The following CSNK1G3 variants were observed in gnomAD, a reference collection of about 807,000 sequenced individuals.
The protein encoded by CSNK1G3 is casein kinase I isoform gamma-3.
A neutral mutation model predicts 64.3 loss-of-function variants in CSNK1G3; 23 were observed. The ratio of observed to expected loss-of-function variants is 0.36; its 90% CI spans 0.26 to 0.51. The LOEUF is 0.51. Ranked by LOEUF, CSNK1G3 falls within the 20% of genes least tolerant of loss-of-function variation. The pLI is 0.96. For synonymous variants in CSNK1G3, 158 were observed against 162.2 expected (o/e 0.97, Z 0.20); for missense variants, 357 against 510.5 (o/e 0.70, Z 2.90).
At position 123,593,202 on chromosome 5, in the gene CSNK1G3, T is replaced by TACACACAC. The variant is rs1554081831; in HGVS notation, c.1086+1808_1086+1815dup. Among the ~76,000 whole-genome samples the TACACACAC allele has an allele frequency of 3.6e-3, 526 of 146,918 alleles. 1 individual carries two copies. Among genetic ancestry groups the TACACACAC allele is most frequent in the African/African-American group, 5.3e-3 (212 of 39,876 alleles). On this transcript the variant is annotated intron_variant, in intron 10 of 12. Transcript: ENST00000345990. ...TGTAGGGTGGGTGTGTGTGTATATA[T>TACACACAC]ACACACACACACACACACACACACA...
intron 4 of CSNK1G3, among the ~76,000 whole-genome samples, chr5:123,564,120 ACAT>A (rs1228827598): frequency 6.6e-6 from 1 of 152,092 alleles, no homozygotes; most frequent in Non-Finnish European, 1.5e-5. Context: ...ATATATACTT[ACAT>A]TGTTACTACT....
At chr5:123,591,238 TA>T in intron 9 of CSNK1G3, 80 bp from the exon 10 acceptor site, 1 of 784,088 alleles carries the variant, frequency 1.3e-6, no homozygotes, top group Non-Finnish European at 1.9e-6. Flanking sequence ...TTTTTTTCCT[TA>T]ATTCTTTTAA....
chr5:123,605,432 G>A, intron 12 of CSNK1G3, 70 bp downstream of exon 13: 2 of 1,542,316 alleles, frequency 1.3e-6, no homozygotes, highest in Non-Finnish European at 1.8e-6. Flanking sequence ...GCATCATTTT[G>A]TGTCTTTTGA....
intron 10 of CSNK1G3, among the ~76,000 whole-genome samples, chr5:123,599,710 C>G (rs1018978115): frequency 1.3e-5 from 2 of 152,010 alleles, no homozygotes. Flanking sequence ...TCTTTCTATT[C>G]ATAGTTTTCT....
At chr5:123,613,122 C>T (rs767685747) in intron 12 of CSNK1G3, among the ~76,000 whole-genome samples, 2 of 151,686 alleles carry the variant, frequency 1.3e-5, no homozygotes, top group Non-Finnish European at 2.9e-5. Flanking sequence ...GGGAAAATGC[C>T]ATACCTTCAT....
intron 6 of CSNK1G3, among the ~76,000 whole-genome samples, chr5:123,583,663 C>G (rs1561572476): frequency 6.6e-6 from 1 of 151,902 alleles, no homozygotes; most frequent in Non-Finnish European, 1.5e-5. Flanking sequence ...CGCGCCCGGC[C>G]CAGAAATCCA....
At chr5:123,544,490 T>G (rs1255540003) in intron 1 of CSNK1G3, among the ~76,000 whole-genome samples, 1 of 152,240 alleles carries the variant, frequency 6.6e-6, no homozygotes, top group Admixed American at 6.5e-5. Context: ...AATAAGTATT[T>G]GATATCAATC....
chr5:123,609,914 A>G (rs1208870869), intron 12 of CSNK1G3, among the ~76,000 whole-genome samples: 1 of 150,688 alleles, frequency 6.6e-6, no homozygotes, highest in East Asian at 2.0e-4. Flanking sequence ...GGCATGGCAT[A>G]TTTATGATGG....
At chr5:123,526,408 G>A (rs1219010620) in intron 1 of CSNK1G3, among the ~76,000 whole-genome samples, 1 of 151,900 alleles carries the variant, frequency 6.6e-6, no homozygotes, top group East Asian at 1.9e-4. Context: ...TTATTAGTGG[G>A]TGGCCAGACA....
intron 6 of CSNK1G3, among the ~76,000 whole-genome samples, chr5:123,577,728 T>A (rs1006881049): frequency 6.6e-5 from 10 of 151,936 alleles, no homozygotes; most frequent in Non-Finnish European, 1.5e-4. Flanking sequence ...GTTTTTTTTT[T>A]ATTGAAGTAA....
At chr5:123,522,502 CA>C (rs71644482) in intron 1 of CSNK1G3, among the ~76,000 whole-genome samples, 41 of 136,282 alleles carry the variant, frequency 3.0e-4, no homozygotes, top group Admixed American at 5.2e-4. Context: ...GATTCTGTCT[CA>C]AAAAAAAAAA....
intron 6 of CSNK1G3, among the ~76,000 whole-genome samples, chr5:123,583,422 G>A (rs1338289172): frequency 6.6e-6 from 1 of 151,576 alleles, no homozygotes; most frequent in East Asian, 1.9e-4. Flanking sequence ...GTGCAATGGC[G>A]CGATCTTGGC....
At chr5:123,613,469 TTATA>T (rs1748874916) in intron 12 of CSNK1G3, among the ~76,000 whole-genome samples, 1 of 151,898 alleles carries the variant, frequency 6.6e-6, no homozygotes, top group African/African-American at 2.4e-5. Flanking sequence ...GTGTGTACAT[TTATA>T]TATGTATGTG....
chr5:123,606,923 C>T (rs1426377986), intron 12 of CSNK1G3, among the ~76,000 whole-genome samples: 3 of 151,916 alleles, frequency 2.0e-5, no homozygotes, highest in Non-Finnish European at 2.9e-5. Flanking sequence ...GTGATTAATA[C>T]GATAAAAAAG....
chr5:123,516,442 T>G (rs1280350411), intron 1 of CSNK1G3, among the ~76,000 whole-genome samples: 2 of 152,182 alleles, frequency 1.3e-5, no homozygotes, highest in Non-Finnish European at 1.5e-5. Flanking sequence ...TTTCTTTTTT[T>G]TAAGCTCTCT....
chr5:123,553,004 C>A (rs1783985292), intron 2 of CSNK1G3, 103 bp from the exon 3 acceptor site: 5 of 587,930 alleles, frequency 8.5e-6, no homozygotes, highest in Admixed American at 6.7e-5. Flanking sequence ...AAAACCTATG[C>A]TTTAGTTAAA....
At chr5:123,557,366 T>A (rs911795921) in intron 3 of CSNK1G3, 129 bp from the exon 4 acceptor site, 50 of 641,346 alleles carry the variant, frequency 7.8e-5, no homozygotes, top group Middle Eastern at 3.8e-4. Context: ...ATGAATCTAA[T>A]CTTAGACAAA....
chr5:123,531,069 CA>C (rs1779851838), intron 1 of CSNK1G3, among the ~76,000 whole-genome samples: 2 of 152,058 alleles, frequency 1.3e-5, no homozygotes, highest in Non-Finnish European at 1.5e-5. Context: ...GCATTTGAAA[CA>C]CTGAATGAGT....
chr5:123,574,961 GT>G (rs1365190752), intron 5 of CSNK1G3, among the ~76,000 whole-genome samples: 1 of 152,118 alleles, frequency 6.6e-6, no homozygotes, highest in Non-Finnish European at 1.5e-5. Flanking sequence ...ATGCTGCAAA[GT>G]TTGTTAAACA....
Sources: gnomAD v4.1 joint callset for allele counts (sites outside exome capture counted in the v4.1 genomes callset) on GRCh38, gnomAD v4.1.1 for gene constraint, MANE v1.5 for transcripts, NCBI Gene and HGNC (gene_info 2026-07-23, HGNC 2026-07-21) for gene names.